Variants in HTR1F observed in about 807,000 individuals in gnomAD.
HTR1F encodes 5-hydroxytryptamine (serotonin) receptor 1F, G protein-coupled.
In HTR1F, 17 loss-of-function variants were observed where a neutral mutation model predicts 24.0. The ratio of observed to expected loss-of-function variants is 0.71; its 90% CI spans 0.48 to 1.06. The LOEUF is 1.06. Ranked by LOEUF, HTR1F falls within the 50% of genes least tolerant of loss-of-function variation. The probability of loss-of-function intolerance (pLI) is 0.00; values close to 1 mark genes in which losing one functional copy is unlikely to be tolerated. For missense variants in HTR1F, 391 were observed against 427.8 expected (o/e 0.91, Z 0.76); for synonymous variants, 186 against 156.8 (o/e 1.19, Z -1.39).
Position 87,861,904 on chromosome 3 carries a change from A to C in HTR1F, c.-43+39780A>C, listed in dbSNP as rs539324531. Among the ~76,000 whole-genome samples, 32 of 152,308 alleles carry C rather than the reference A, an allele frequency of 2.1e-4. No individual in the cohort carries two copies. In the South Asian group the frequency reaches 6.6e-3, roughly 32 times the overall value. ...TTAATATTATACCACTGCACATAAAATATCAAAACCATATAGCCATGTAGG... is the reference window on the plus strand; with the variant it reads ...TTAATATTATACCACTGCACATAAACTATCAAAACCATATAGCCATGTAGG... On this transcript the variant is annotated intron_variant, in intron 2 of 2. Coordinates refer to ENST00000319595, the MANE Select transcript of HTR1F (RefSeq NM_001322209.2).
intron 2 of HTR1F, among the ~76,000 whole-genome samples, chr3:87,988,975 A>T (rs956705017): frequency 9.2e-5 from 14 of 152,186 alleles, no homozygotes; most frequent in African/African-American, 3.4e-4. Context: ...TAAAGTATTA[A>T]TTTATCAGTT....
At chr3:87,819,212 G>C (rs1238382048) in intron 1 of HTR1F, among the ~76,000 whole-genome samples, 1 of 151,974 alleles carries the variant, frequency 6.6e-6, no homozygotes, top group Non-Finnish European at 1.5e-5. Context: ...ATACTGCCAT[G>C]GTTCTATTTA....
chr3:87,859,127 G>A (rs532438786), intron 2 of HTR1F, among the ~76,000 whole-genome samples: 1 of 152,318 alleles, frequency 6.6e-6, no homozygotes, highest in Non-Finnish European at 1.5e-5. Context: ...GAACCTGGGA[G>A]GTGGAGGTTG....
chr3:87,927,357 TTAAATG>T (rs67502091), intron 2 of HTR1F, among the ~76,000 whole-genome samples: 27,045 of 151,918 alleles, frequency 0.18, 2,578 homozygotes, highest in African/African-American at 0.27. Flanking sequence ...CGTCTTAGTT[TTAAATG>T]TAAAGATAAC....
intron 2 of HTR1F, among the ~76,000 whole-genome samples, chr3:87,909,437 A>G (rs1490258085): frequency 7.9e-5 from 12 of 151,976 alleles, no homozygotes; most frequent in Admixed American, 7.9e-4. Context: ...TGCTCACGAT[A>G]TGCTTCCTCT....
chr3:87,908,669 A>G (rs1179040245), intron 2 of HTR1F, among the ~76,000 whole-genome samples: 2 of 152,042 alleles, frequency 1.3e-5, no homozygotes, highest in Admixed American at 6.6e-5. Flanking sequence ...TCTAATTTCA[A>G]TAGGTTTCAT....
chr3:87,834,140 T>C (rs1477929677), intron 2 of HTR1F, among the ~76,000 whole-genome samples: 1 of 152,188 alleles, frequency 6.6e-6, no homozygotes, highest in African/African-American at 2.4e-5. Context: ...ACAGGGATGA[T>C]ATATTTGGAT....
rs763427983 is a variant in HTR1F, at chr3:87,991,568, G to A, written c.819G>A (p.Lys273=). The A allele has an allele frequency of 1.9e-6, 3 of 1,614,042 alleles. No individual in the cohort carries two copies. The highest frequency in any genetic ancestry group is 1.1e-5 in the South Asian group (1 of 91,076). ...TGAGAAGTCTCAGGTCTGAATTCAA[G>A]CATGAGAAATCTTGGAGAAGGCAAA... The part of the protein sequence containing the change: ...STVRSLRSEF[K]HEKSWRRQKI... Residue 273 remains lysine (K), a synonymous_variant, in exon 3 of 3, where the codon AAG becomes AAA. Transcript: ENST00000319595.
intron 2 of HTR1F, among the ~76,000 whole-genome samples, chr3:87,867,898 T>G (rs1208046590): frequency 6.6e-6 from 1 of 152,114 alleles, no homozygotes; most frequent in Non-Finnish European, 1.5e-5. Flanking sequence ...TCTAAATCAT[T>G]AATTATAAGT....
At chr3:87,848,310 T>C (rs1704994172) in intron 2 of HTR1F, among the ~76,000 whole-genome samples, 1 of 151,920 alleles carries the variant, frequency 6.6e-6, no homozygotes, top group African/African-American at 2.4e-5. Flanking sequence ...TGTTTGTATG[T>C]CTTCTTTGAG....
chr3:87,966,351 C>T (rs1251303177), intron 2 of HTR1F, among the ~76,000 whole-genome samples: 2 of 152,188 alleles, frequency 1.3e-5, no homozygotes, highest in Non-Finnish European at 2.9e-5. Context: ...ACAATTCACA[C>T]CATGGCAGAA....
intron 2 of HTR1F, among the ~76,000 whole-genome samples, chr3:87,969,522 G>A (rs1444117610): frequency 6.6e-6 from 1 of 152,122 alleles, no homozygotes; most frequent in Non-Finnish European, 1.5e-5. Flanking sequence ...CTTTGTTTTG[G>A]CCAATTTCTC....
rs1456812530 is a variant in HTR1F at position 87,887,429 on chromosome 3, A to T, written c.-43+65305A>T. Among the ~76,000 whole-genome samples, 18 of 152,086 alleles carry T rather than the reference A, an allele frequency of 1.2e-4. No homozygotes were observed. In the East Asian group the frequency reaches 2.9e-3, roughly 25 times the overall value. ...CATAGGCATGGGCAAGGACTTCATG[A>T]CTAAAACACCAAAAGCAATGGCAAC... On this transcript the variant is annotated intron_variant, in intron 2 of 2. Coordinates refer to ENST00000319595, the MANE Select transcript of HTR1F (RefSeq NM_001322209.2).
At chr3:87,819,400 G>A (rs900717835) in intron 1 of HTR1F, among the ~76,000 whole-genome samples, 1 of 150,858 alleles carries the variant, frequency 6.6e-6, no homozygotes, top group African/African-American at 2.4e-5. Context: ...TTTATCTGTA[G>A]ACTTATTTTT....
At chr3:87,818,910 A>C (rs1704301653) in intron 1 of HTR1F, among the ~76,000 whole-genome samples, 1 of 152,198 alleles carries the variant, frequency 6.6e-6, no homozygotes, top group Admixed American at 6.5e-5. Flanking sequence ...GAATTTGACC[A>C]TCCTCAACAA....
chr3:87,832,605 G>A (rs1163835101), intron 2 of HTR1F, among the ~76,000 whole-genome samples: 1 of 152,130 alleles, frequency 6.6e-6, no homozygotes, highest in Non-Finnish European at 1.5e-5. Flanking sequence ...AGGGATTACA[G>A]GCGTGAGCCA....
chr3:87,889,646 C>T (rs1706035713), intron 2 of HTR1F, among the ~76,000 whole-genome samples: 1 of 152,110 alleles, frequency 6.6e-6, no homozygotes, highest in Admixed American at 6.6e-5. Flanking sequence ...GCCGTCTTGC[C>T]TGATAATCCA....
chr3:87,821,886 G>A (rs1431552229), intron 1 of HTR1F, among the ~76,000 whole-genome samples, 122 bp from the exon 2 acceptor site: 1 of 152,106 alleles, frequency 6.6e-6, no homozygotes, highest in Non-Finnish European at 1.5e-5. Flanking sequence ...AGTGGTTAGT[G>A]GTCAGAGAGG....
At chr3:87,906,673 T>C (rs1407221391) in intron 2 of HTR1F, among the ~76,000 whole-genome samples, 1 of 151,934 alleles carries the variant, frequency 6.6e-6, no homozygotes, top group East Asian at 1.9e-4. Context: ...CAATGTGTAG[T>C]CTTTTATTCC....
Sources: allele counts gnomAD v4.1 joint callset (sites outside exome capture counted in the v4.1 genomes callset), GRCh38; gene constraint gnomAD v4.1.1; transcripts MANE v1.5; gene names NCBI Gene and HGNC (gene_info 2026-07-23, HGNC 2026-07-21).